PROS1: variants seen among roughly 807,000 people sequenced by gnomAD.
PROS1 encodes vitamin K-dependent protein S.
PROS1 carries 29 observed loss-of-function variants against 75.9 expected under a neutral mutation model. That is an observed-to-expected ratio of 0.38 (90% CI 0.28 to 0.52). The LOEUF is 0.52. Among genes scored for constraint, PROS1 ranks in the 20% least tolerant of loss-of-function variants. The pLI is 0.83. For synonymous variants in PROS1, 245 were observed against 280.6 expected, an observed-to-expected ratio of 0.87 and a Z score of 1.27; for missense variants, 680 against 810.3, an observed-to-expected ratio of 0.84 and a Z score of 1.95.
At chr3:93,936,606 G>A (rs542630604) in intron 1 of PROS1, among the ~76,000 whole-genome samples, 115 of 152,212 alleles carry the variant, frequency 7.6e-4, no homozygotes, top group African/African-American at 2.7e-3. Flanking sequence ...AAAAAAGCCT[G>A]CACCAGAAAC....
chr3:93,944,028 C>A (rs1041490211), intron 1 of PROS1, among the ~76,000 whole-genome samples: 2 of 152,200 alleles, frequency 1.3e-5, no homozygotes, highest in Non-Finnish European at 2.9e-5. Flanking sequence ...TTATTGCTCA[C>A]ACAAAGCCTG....
intron 1 of PROS1, among the ~76,000 whole-genome samples, chr3:93,954,892 C>T (rs1451011552): frequency 1.3e-5 from 2 of 152,154 alleles, no homozygotes; most frequent in Non-Finnish European, 2.9e-5. Context: ...AAAAATCAAA[C>T]AACCCCATCA....
intron 1 of PROS1, among the ~76,000 whole-genome samples, chr3:93,943,818 C>T (rs2107229984): frequency 6.6e-6 from 1 of 152,212 alleles, no homozygotes; most frequent in South Asian, 2.1e-4. Flanking sequence ...ATGACTTTAC[C>T]TTGTGAAATT....
chr3:93,935,214 A>AT (rs1278142999), intron 1 of PROS1, among the ~76,000 whole-genome samples: 5 of 151,784 alleles, frequency 3.3e-5, no homozygotes, highest in Non-Finnish European at 5.9e-5. Flanking sequence ...CTACAACTCT[A>AT]TTTTTTTTCT....
chr3:93,956,559 CACAA>C (rs1553819521), intron 1 of PROS1, among the ~76,000 whole-genome samples: 44 of 54,348 alleles, frequency 8.1e-4, no homozygotes, highest in African/African-American at 1.6e-3. Flanking sequence ...CACACACACA[CACAA>C]ACACACACAC....
chr3:93,943,030 C>T (rs1181326432), intron 1 of PROS1, among the ~76,000 whole-genome samples: 1 of 152,152 alleles, frequency 6.6e-6, no homozygotes, highest in East Asian at 1.9e-4. Flanking sequence ...TCATTTCTTC[C>T]CTTCTGTCAG....
intron 1 of PROS1, among the ~76,000 whole-genome samples, chr3:93,949,291 T>C (rs755911045): frequency 2.6e-5 from 4 of 152,216 alleles, no homozygotes; most frequent in Non-Finnish European, 2.9e-5. Flanking sequence ...ACTTCTGTCA[T>C]TTTTATAAAC....
At chr3:93,937,728 C>T (rs9816517) in intron 1 of PROS1, among the ~76,000 whole-genome samples, 6,495 of 152,102 alleles carry the variant, frequency 0.043, 485 homozygotes, top group African/African-American at 0.15. Context: ...TTGGGCCTGG[C>T]GCTGGGCTGC....
At position 93,903,067 on chromosome 3, in the gene PROS1, G is replaced by A. The variant is rs8178634; in HGVS notation, c.602-2138C>T. On this transcript the variant is annotated intron_variant, in intron 6 of 14. Coordinates refer to ENST00000394236, the MANE Select transcript of PROS1 (RefSeq NM_000313.4). The stretch of plus-strand genomic sequence containing the variant: ...TTTTTAGTAGAGACGGGGTTTCAGC[G>A]TGTTAGCCAGGATGATCTCGATCTC... Among the ~76,000 whole-genome samples, 799 of 152,056 alleles carry A rather than the reference G, an allele frequency of 5.3e-3. 6 individuals carry two copies. Among genetic ancestry groups the A allele is most frequent in the African/African-American group, 0.017 (724 of 41,492 alleles).
chr3:93,908,686 G>C (rs1015511514), intron 4 of PROS1, among the ~76,000 whole-genome samples: 6 of 152,190 alleles, frequency 3.9e-5, no homozygotes, highest in African/African-American at 1.4e-4. Flanking sequence ...AGTACAAATG[G>C]CATCAGGTGG....
intron 10 of PROS1, among the ~76,000 whole-genome samples, chr3:93,891,559 G>A (rs867941290): frequency 4.6e-5 from 7 of 152,060 alleles, no homozygotes; most frequent in South Asian, 2.1e-4. Context: ...GCAGGCGTGC[G>A]CCACCAAGCC....
intron 9 of PROS1, 74 bp from the exon 10 acceptor site, chr3:93,893,196 G>T: frequency 1.5e-6 from 2 of 1,321,514 alleles, no homozygotes; most frequent in Non-Finnish European, 2.1e-6. Context: ...TTTTTTTCTT[G>T]TACTGACAAA....
chr3:93,884,912 A>C lies in PROS1; in HGVS notation c.1324-16T>G. On this transcript the variant is annotated splice_polypyrimidine_tract_variant and intron_variant, in intron 11 of 14. Coordinates refer to ENST00000394236, the MANE Select transcript of PROS1 (RefSeq NM_000313.4). ...GAGGGTTAATCTAACAAATTAAAAT[A>C]CAAGTCAAGGAGTGCATTTTAAACT... The C allele has an allele frequency of 6.2e-7, 1 of 1,607,998 alleles. No individual in the cohort carries two copies. Among genetic ancestry groups the C allele is most frequent in the Non-Finnish European group, 8.5e-7 (1 of 1,175,936 alleles).
At chr3:93,921,185 A>G (rs2107192936) in intron 3 of PROS1, among the ~76,000 whole-genome samples, 1 of 152,266 alleles carries the variant, frequency 6.6e-6, no homozygotes, top group Admixed American at 6.5e-5. Context: ...CACCCAGCTG[A>G]TTTCCTGATG....
At chr3:93,954,057 C>T (rs533593441) in intron 1 of PROS1, among the ~76,000 whole-genome samples, 1 of 152,136 alleles carries the variant, frequency 6.6e-6, no homozygotes, top group African/African-American at 2.4e-5. Flanking sequence ...CAAACCCCTG[C>T]TCAACGAAAT....
At chr3:93,947,092 G>T (rs1017863805) in intron 1 of PROS1, among the ~76,000 whole-genome samples, 1 of 152,152 alleles carries the variant, frequency 6.6e-6, no homozygotes, top group African/African-American at 2.4e-5. Context: ...GGCCATCAGC[G>T]AAATGCAAAT....
chr3:93,968,208 G>A (rs1395948107), intron 1 of PROS1, among the ~76,000 whole-genome samples: 1 of 152,164 alleles, frequency 6.6e-6, no homozygotes, highest in Non-Finnish European at 1.5e-5. Context: ...GGTCTTTGCA[G>A]ATGATCAAAT....
At chr3:93,879,407 A>G in intron 12 of PROS1, 93 bp from the exon 13 acceptor site, 6 of 1,465,680 alleles carry the variant, frequency 4.1e-6, no homozygotes, top group Non-Finnish European at 5.7e-6. Flanking sequence ...AATATTCAAA[A>G]CTATCTTGTG....
intron 1 of PROS1, among the ~76,000 whole-genome samples, chr3:93,955,083 C>A (rs1709575997): frequency 6.6e-6 from 1 of 152,156 alleles, no homozygotes; most frequent in South Asian, 2.1e-4. Flanking sequence ...ACAACAGGTG[C>A]TGGAGAGGAT....
Sources: allele counts gnomAD v4.1 joint callset (sites outside exome capture counted in the v4.1 genomes callset), GRCh38; gene constraint gnomAD v4.1.1; transcripts MANE v1.5; gene names NCBI Gene and HGNC (gene_info 2026-07-23, HGNC 2026-07-21).